IPMK: variants seen among roughly 807,000 people sequenced by gnomAD.
The protein encoded by IPMK is inositol 1,3,4,6-tetrakisphosphate 5-kinase.
In IPMK, 17 loss-of-function variants were observed where a neutral mutation model predicts 45.8. The ratio of observed to expected loss-of-function variants is 0.37; its 90% CI spans 0.25 to 0.56. The LOEUF is 0.56. Ranked by LOEUF, IPMK falls within the 20% of genes least tolerant of loss-of-function variation. IPMK has a pLI of 0.79. For synonymous variants in IPMK, 180 were observed against 184.3 expected (o/e 0.98, Z 0.19); for missense variants, 399 against 498.0 (o/e 0.80, Z 1.89).
At chr10:58,259,671 T>TGAAAAAAAAAAAAAAAAAAAAAA (rs1839027989) in intron 1 of IPMK, among the ~76,000 whole-genome samples, 1 of 86,768 alleles carries the variant, frequency 1.2e-5, no homozygotes, top group African/African-American at 6.3e-5. Flanking sequence ...CATCTCTACA[T>TGAAAAAAAAAAAAAAAAAAAAAA]AAAAAAAAAA....
chr10:58,235,966 C>A (rs1838606322), intron 2 of IPMK, among the ~76,000 whole-genome samples: 1 of 151,466 alleles, frequency 6.6e-6, no homozygotes, highest in African/African-American at 2.4e-5. Flanking sequence ...CTCACCCTGT[C>A]CCCCCATGCT....
chr10:58,247,604 A>G (rs1838821136), intron 1 of IPMK, among the ~76,000 whole-genome samples: 1 of 132,708 alleles, frequency 7.5e-6, no homozygotes. Context: ...GAACTGAACA[A>G]TGAGAACACA....
intron 2 of IPMK, among the ~76,000 whole-genome samples, chr10:58,231,156 C>T (rs1252882808): frequency 6.6e-6 from 1 of 152,142 alleles, no homozygotes; most frequent in East Asian, 1.9e-4. Context: ...TGAACAAAGC[C>T]TCCAAGAAAT....
intron 2 of IPMK, among the ~76,000 whole-genome samples, chr10:58,233,278 T>C (rs1564534688): frequency 6.6e-6 from 1 of 152,036 alleles, no homozygotes; most frequent in South Asian, 2.1e-4. Context: ...CTAAAACTAT[T>C]CCAATCAATA....
intron 2 of IPMK, among the ~76,000 whole-genome samples, chr10:58,235,305 C>G (rs1021175452): frequency 1.3e-5 from 2 of 152,176 alleles, no homozygotes; most frequent in Admixed American, 1.3e-4. Context: ...ACCCAGCAAT[C>G]CCATTACTGG....
intron 4 of IPMK, among the ~76,000 whole-genome samples, chr10:58,208,744 C>T (rs984920491): frequency 1.3e-5 from 2 of 152,188 alleles, no homozygotes; most frequent in East Asian, 3.9e-4. Context: ...CTTGTTCTCT[C>T]GTGGTGTACA....
chr10:58,192,884 A>G lies in IPMK; in HGVS notation c.*3192T>C, dbSNP rs1280125011. ...AGAAAGGGTAACTGAGGGTACAAAC[A>G]TATCAAATCAAGACTAAAGGCACTG... On this transcript the variant is annotated 3_prime_UTR_variant, in exon 6 of 6. Transcript: ENST00000373935. 3.9e-5 allele frequency: 6 copies of G among 152,080 alleles called. No individual in the cohort carries two copies. The highest frequency in any genetic ancestry group is 2.6e-4 in the Admixed American group (4 of 15,268). 9.4% of individuals were successfully genotyped at this position (152,080 alleles called of 1,614,324 possible). A position where few individuals can be genotyped will look rare whatever the true frequency, so the allele number is the denominator to read the frequency against.
At chr10:58,265,823 T>C (rs1385829322) in intron 1 of IPMK, among the ~76,000 whole-genome samples, 1 of 152,220 alleles carries the variant, frequency 6.6e-6, no homozygotes, top group East Asian at 1.9e-4. Context: ...TTACATACTG[T>C]AATAAGCAGT....
At chr10:58,240,486 T>C (rs868829000) in intron 1 of IPMK, among the ~76,000 whole-genome samples, 14 of 151,388 alleles carry the variant, frequency 9.2e-5, no homozygotes, top group Admixed American at 2.0e-4. Flanking sequence ...AGAGAAAAAA[T>C]TCTGGGCTTT....
intron 2 of IPMK, among the ~76,000 whole-genome samples, chr10:58,236,434 A>T (rs183022188): frequency 3.0e-4 from 45 of 152,328 alleles, no homozygotes; most frequent in Admixed American, 1.3e-3. Context: ...AGTATTAAAA[A>T]ATTAAAAAGA....
At chr10:58,215,232 A>G (rs1477061403) in intron 4 of IPMK, among the ~76,000 whole-genome samples, 1 of 152,224 alleles carries the variant, frequency 6.6e-6, no homozygotes, top group African/African-American at 2.4e-5. Context: ...TAGACCATCT[A>G]TACCCAGCTG....
intron 4 of IPMK, among the ~76,000 whole-genome samples, chr10:58,208,894 A>G (rs1838113874): frequency 6.6e-6 from 1 of 152,226 alleles, no homozygotes; most frequent in Admixed American, 6.5e-5. Flanking sequence ...CCCAGCCTTG[A>G]TGAGGGTAGC....
chr10:58,261,945 G>A (rs2590360), intron 1 of IPMK, among the ~76,000 whole-genome samples: 51,472 of 151,988 alleles, frequency 0.34, 10,956 homozygotes, highest in African/African-American at 0.61. Flanking sequence ...CCTTTGTAGC[G>A]ACATGGATGA....
chr10:58,215,288 A>G (rs998092289), intron 4 of IPMK, among the ~76,000 whole-genome samples: 1 of 152,212 alleles, frequency 6.6e-6, no homozygotes, highest in Non-Finnish European at 1.5e-5. Flanking sequence ...GATCAGCAAA[A>G]GAACTGCACA....
At chr10:58,253,014 G>A (rs1353343097) in intron 1 of IPMK, among the ~76,000 whole-genome samples, 4 of 152,176 alleles carry the variant, frequency 2.6e-5, no homozygotes, top group Non-Finnish European at 5.9e-5. Context: ...TGGTTTGGCT[G>A]TGTCCCCACC....
At chr10:58,255,846 A>G (rs1351739642) in intron 1 of IPMK, among the ~76,000 whole-genome samples, 2 of 152,186 alleles carry the variant, frequency 1.3e-5, no homozygotes, top group Non-Finnish European at 2.9e-5. Flanking sequence ...ATGGACATTT[A>G]TTAGTTCCCC....
chr10:58,266,580 G>C (rs554929998), intron 1 of IPMK, among the ~76,000 whole-genome samples: 6 of 152,198 alleles, frequency 3.9e-5, no homozygotes, highest in African/African-American at 1.4e-4. Flanking sequence ...GCTCTTCCGG[G>C]TCAAAGATCC....
intron 1 of IPMK, among the ~76,000 whole-genome samples, chr10:58,262,902 G>T (rs1839096049): frequency 6.7e-6 from 1 of 148,986 alleles, no homozygotes; most frequent in African/African-American, 2.6e-5. Flanking sequence ...AATGCTAGCT[G>T]TTAAAGCAGA....
intron 4 of IPMK, among the ~76,000 whole-genome samples, chr10:58,205,715 A>AT (rs1304380201): frequency 6.6e-6 from 1 of 152,188 alleles, no homozygotes; most frequent in Non-Finnish European, 1.5e-5. Flanking sequence ...AAAAAACTAC[A>AT]TATTAGGTAC....
Sources: allele counts gnomAD v4.1 joint callset (sites outside exome capture counted in the v4.1 genomes callset), GRCh38; gene constraint gnomAD v4.1.1; transcripts MANE v1.5; gene names NCBI Gene and HGNC (gene_info 2026-07-23, HGNC 2026-07-21).